Variants in SPATA31F3 observed in about 807,000 individuals in gnomAD.
SPATA31F3 encodes protein SPATA31F3.
chr9:34,889,381 C>G, the SPATA31F3 span: 3 of 398,500 alleles, frequency 7.5e-6, no homozygotes, highest in Non-Finnish European at 1.3e-5. Context: ...CTGGGGGCAT[C>G]ACAGAAGATC....
At chr9:34,893,121 G>A in the SPATA31F3 span, 60 of 827,760 alleles carry the variant, frequency 7.2e-5, no homozygotes, top group East Asian at 1.3e-3. Flanking sequence ...AGGATTCGCC[G>A]CACACTTCCT....
chr9:34,894,122 C>T, the SPATA31F3 span, among the ~76,000 whole-genome samples: 1 of 152,150 alleles, frequency 6.6e-6, no homozygotes, highest in Admixed American at 6.5e-5. Context: ...ACGCAAAATC[C>T]ATTCCTCTTG....
the SPATA31F3 span, among the ~76,000 whole-genome samples, chr9:34,890,942 ACTT>A: frequency 6.6e-6 from 1 of 152,148 alleles, no homozygotes; most frequent in Non-Finnish European, 1.5e-5. Flanking sequence ...ATGGCCCAGG[ACTT>A]ACACATTGCT....
the SPATA31F3 span, among the ~76,000 whole-genome samples, chr9:34,892,130 C>T: frequency 1.3e-5 from 2 of 152,162 alleles, no homozygotes; most frequent in African/African-American, 4.8e-5. Context: ...ACAGATGTGG[C>T]ACATTGAGGC....
At chr9:34,889,286 A>G in the SPATA31F3 span, 1 of 398,726 alleles carries the variant, frequency 2.5e-6, no homozygotes. Flanking sequence ...ATTTGAGGAC[A>G]GAGTTTGGAG....
the SPATA31F3 span, among the ~76,000 whole-genome samples, chr9:34,895,324 T>A: frequency 1.3e-5 from 2 of 152,030 alleles, no homozygotes; most frequent in Admixed American, 1.3e-4. Context: ...ATAAGTTCGG[T>A]GGGGACTTTA....
chr9:34,894,682 C>T, the SPATA31F3 span, among the ~76,000 whole-genome samples: 1 of 152,218 alleles, frequency 6.6e-6, no homozygotes, highest in East Asian at 1.9e-4. Flanking sequence ...TCTCATTTGT[C>T]CTTCACCATC....
the SPATA31F3 span, among the ~76,000 whole-genome samples, chr9:34,891,447 T>C: frequency 6.6e-6 from 1 of 152,204 alleles, no homozygotes; most frequent in African/African-American, 2.4e-5. Context: ...GGACTGGCCC[T>C]CCTGCCACAG....
chr9:34,893,048 GC>G, the SPATA31F3 span: 194,892 of 939,344 alleles, frequency 0.21, 23,227 homozygotes, highest in Admixed American at 0.27. Flanking sequence ...GTTCTCACCT[GC>G]CAGCAATTGC....
At chr9:34,894,024 T>C in the SPATA31F3 span, among the ~76,000 whole-genome samples, 1 of 152,146 alleles carries the variant, frequency 6.6e-6, no homozygotes, top group Non-Finnish European at 1.5e-5. Flanking sequence ...GTCTCCCTAA[T>C]GACAGAGCCA....
the SPATA31F3 span, among the ~76,000 whole-genome samples, chr9:34,893,785 G>C: frequency 6.6e-6 from 1 of 152,106 alleles, no homozygotes; most frequent in African/African-American, 2.4e-5. Flanking sequence ...CTAGGAGAAC[G>C]GAGCCAGGCG....
the SPATA31F3 span, chr9:34,889,740 C>G: frequency 1.5e-5 from 6 of 397,304 alleles, no homozygotes; most frequent in Non-Finnish European, 2.7e-5. Context: ...CAAATTTTGC[C>G]CTGTAAAACA....
At chr9:34,893,000 C>A in the SPATA31F3 span, 1 of 779,702 alleles carries the variant, frequency 1.3e-6, no homozygotes, top group South Asian at 1.6e-5. Flanking sequence ...GCAAGAGGAG[C>A]CCTGTGATGG....
At chr9:34,891,935 A>G in the SPATA31F3 span, among the ~76,000 whole-genome samples, 4 of 152,200 alleles carry the variant, frequency 2.6e-5, no homozygotes, top group African/African-American at 9.6e-5. Context: ...GTCAATGGTC[A>G]GATGGAGAAT....
chr9:34,891,878 A>C, the SPATA31F3 span, among the ~76,000 whole-genome samples: 1 of 152,192 alleles, frequency 6.6e-6, no homozygotes. Flanking sequence ...TGCCACTCCA[A>C]GGCTTTCACT....
chr9:34,889,294 G>T, the SPATA31F3 span: 3 of 398,612 alleles, frequency 7.5e-6, no homozygotes, highest in African/African-American at 6.2e-5. Context: ...ACAGAGTTTG[G>T]AGCATTTGTA....
At chr9:34,889,074 A>T in the SPATA31F3 span, 3 of 398,446 alleles carry the variant, frequency 7.5e-6, no homozygotes, top group Non-Finnish European at 8.8e-6. Context: ...TCTTTGCTTA[A>T]AGGTACAAAG....
At chr9:34,893,934 C>T in the SPATA31F3 span, among the ~76,000 whole-genome samples, 1 of 152,282 alleles carries the variant, frequency 6.6e-6, no homozygotes, top group Non-Finnish European at 1.5e-5. Context: ...TGCTGATATA[C>T]TCAATATCTT....
chr9:34,893,206 GA>G, the SPATA31F3 span: 1 of 473,864 alleles, frequency 2.1e-6, no homozygotes, highest in Admixed American at 3.5e-5. Context: ...TGCCTTCTCG[GA>G]AAAGTGTGGG....
Sources: gnomAD v4.1 joint callset for allele counts (sites outside exome capture counted in the v4.1 genomes callset) on GRCh38, gnomAD v4.1.1 for gene constraint, MANE v1.5 for transcripts, NCBI Gene and HGNC (gene_info 2026-07-23, HGNC 2026-07-21) for gene names.